Variants in GABRA3 observed in about 807,000 individuals in gnomAD.
GABRA3 encodes gamma-aminobutyric acid receptor subunit alpha-3.
GABRA3 carries 10 observed loss-of-function variants against 30.1 expected under a neutral mutation model. The observed-to-expected ratio is 0.33, with a 90% CI of 0.20 to 0.56. The LOEUF is 0.56. Ranked by LOEUF, GABRA3 falls within the 20% of genes least tolerant of loss-of-function variation. The pLI is 0.89. For synonymous variants in GABRA3, 151 were observed against 146.8 expected, an observed-to-expected ratio of 1.03 and a Z score of -0.21; for missense variants, 233 against 392.0, an observed-to-expected ratio of 0.59 and a Z score of 3.42.
chrX:152,308,087 G>A (rs769825256), intron 3 of GABRA3, among the ~76,000 whole-genome samples: 1 of 112,641 alleles, frequency 8.9e-6, no homozygotes, highest in African/African-American at 3.2e-5. Flanking sequence ...TGATCTGAGT[G>A]CCCCTGGTCT....
Position 152,287,104 on chromosome X carries a change from T to C in GABRA3, c.263-2369A>G, listed in dbSNP as rs187844021. On this transcript the variant is annotated intron_variant, in intron 3 of 9. Coordinates refer to ENST00000370314, the MANE Select transcript of GABRA3 (RefSeq NM_000808.4). ...CCCCAAATACATAAAACAAAATAAATTCATTAATGGAAGAGACCACCATTA... is the reference window on the plus strand; with the variant it reads ...CCCCAAATACATAAAACAAAATAAACTCATTAATGGAAGAGACCACCATTA... Among the ~76,000 whole-genome samples the C allele has an allele frequency of 3.6e-5, 4 of 111,758 alleles. No homozygotes were observed. The Admixed American group carries it at 3.8e-4, about 11-fold the overall frequency.
chrX:152,276,802 C>T (rs1939094781), intron 4 of GABRA3, among the ~76,000 whole-genome samples: 1 of 111,303 alleles, frequency 9.0e-6, no homozygotes, highest in African/African-American at 3.3e-5. Flanking sequence ...AGTTTCAAAA[C>T]ACAAAAGCCA....
At chrX:152,204,413 G>A (rs1026794855) in intron 7 of GABRA3, among the ~76,000 whole-genome samples, 2 of 111,062 alleles carry the variant, frequency 1.8e-5, no homozygotes, top group African/African-American at 6.6e-5. Context: ...AAGTAGAAAG[G>A]GAGTGATCCA....
At chrX:152,190,613 C>G (rs1221137179) in intron 8 of GABRA3, among the ~76,000 whole-genome samples, 1 of 109,816 alleles carries the variant, frequency 9.1e-6, no homozygotes, top group East Asian at 2.8e-4. Flanking sequence ...TAATTTTGGA[C>G]AGTCTTCTGA....
chrX:152,220,862 C>A (rs1229233183), intron 6 of GABRA3, among the ~76,000 whole-genome samples: 1 of 109,620 alleles, frequency 9.1e-6, no homozygotes, highest in Admixed American at 9.8e-5. Flanking sequence ...TGTGCATGTG[C>A]GTGTGTGTGC....
At chrX:152,281,059 G>A (rs761858531) in intron 4 of GABRA3, among the ~76,000 whole-genome samples, 2 of 110,990 alleles carry the variant, frequency 1.8e-5, no homozygotes, top group East Asian at 5.7e-4. Flanking sequence ...AGGATCTTGA[G>A]AGCTAGGATG....
chrX:152,218,615 G>C lies in GABRA3; in HGVS notation c.634+6148C>G, dbSNP rs748163621. Among the ~76,000 whole-genome samples the C allele has an allele frequency of 3.4e-3, 378 of 111,008 alleles. 2 individuals are homozygous for C. The highest frequency in any genetic ancestry group is 0.012 in the African/African-American group (365 of 30,672). The stretch of plus-strand genomic sequence containing the variant: ...TATTTTTCTCTTCAGTTCTATCAGT[G>C]TTGCTTCATGTATTTTGGGGCTCTG... On this transcript the variant is annotated intron_variant, in intron 6 of 9. Coordinates refer to ENST00000370314, the MANE Select transcript of GABRA3 (RefSeq NM_000808.4).
At chrX:152,215,051 T>A (rs1189789104) in intron 6 of GABRA3, among the ~76,000 whole-genome samples, 1 of 105,329 alleles carries the variant, frequency 9.5e-6, no homozygotes, top group African/African-American at 3.6e-5. Context: ...TATATATATA[T>A]ATATTTTTTT....
In GABRA3 at chrX:152,343,363, T is replaced by C. The variant is rs185784944; in HGVS notation, c.262+2218A>G. Among the ~76,000 whole-genome samples, 392 of 110,650 alleles carry C rather than the reference T, an allele frequency of 3.5e-3. 2 individuals carry two copies. Among genetic ancestry groups the C allele is most frequent in the South Asian group, 0.02 (51 of 2,567 alleles). On this transcript the variant is annotated intron_variant, in intron 3 of 9. Coordinates refer to ENST00000370314, the MANE Select transcript of GABRA3 (RefSeq NM_000808.4). ...AAAACACTATATATTTGTTCATTTC[T>C]TTGTGGTTGTTTAAGATGGGAGAGT...
At chrX:152,387,767 T>G (rs759088189) in intron 1 of GABRA3, among the ~76,000 whole-genome samples, 1 of 111,734 alleles carries the variant, frequency 8.9e-6, no homozygotes, top group South Asian at 3.7e-4. Context: ...GAACAAAAGC[T>G]TTTTAAAAAA....
At position 152,271,779 on chromosome X, in the gene GABRA3, G is replaced by T. The variant is rs910283444; in HGVS notation, c.330+12889C>A. Among the ~76,000 whole-genome samples, 7 of 111,732 alleles carry T rather than the reference G, an allele frequency of 6.3e-5. No homozygotes were observed. The East Asian group carries it at 1.1e-3, about 18-fold the overall frequency. The stretch of plus-strand genomic sequence containing the variant: ...GTCCAGGGCCCCTCTGCTGTATGCA[G>T]TCTCAGGACTTGGTGTCCTGCATCC... On this transcript the variant is annotated intron_variant, in intron 4 of 9. Coordinates refer to ENST00000370314, the MANE Select transcript of GABRA3 (RefSeq NM_000808.4).
intron 8 of GABRA3, among the ~76,000 whole-genome samples, chrX:152,190,640 C>T (rs1402059282): frequency 1.8e-5 from 2 of 109,946 alleles, no homozygotes; most frequent in East Asian, 2.8e-4. Context: ...AGCAAACTAT[C>T]GTGGAAAGTG....
At chrX:152,339,845 C>A (rs1314025801) in intron 3 of GABRA3, among the ~76,000 whole-genome samples, 1 of 111,713 alleles carries the variant, frequency 9.0e-6, no homozygotes, top group African/African-American at 3.2e-5. Flanking sequence ...AATAACTACT[C>A]CAACCTTCTT....
chrX:152,326,259 A>G (rs1214388573), intron 3 of GABRA3, among the ~76,000 whole-genome samples: 1 of 111,928 alleles, frequency 8.9e-6, no homozygotes, highest in Non-Finnish European at 1.9e-5. Context: ...GGGAGAATGG[A>G]ACCAAGTTGG....
intron 5 of GABRA3, among the ~76,000 whole-genome samples, chrX:152,248,502 A>T (rs760791790): frequency 1.4e-4 from 15 of 109,279 alleles, no homozygotes; most frequent in South Asian, 3.9e-4. Flanking sequence ...AATAAAATTT[A>T]AAAAAAAAAG....
intron 6 of GABRA3, among the ~76,000 whole-genome samples, chrX:152,213,035 G>A (rs1450259940): frequency 1.8e-5 from 2 of 111,242 alleles, no homozygotes; most frequent in Non-Finnish European, 3.8e-5. Context: ...TTTTGCACTC[G>A]CTGAATGGGC....
At chrX:152,407,033 A>T (rs1186476528) in intron 1 of GABRA3, among the ~76,000 whole-genome samples, 1 of 112,317 alleles carries the variant, frequency 8.9e-6, no homozygotes, top group Admixed American at 9.4e-5. Context: ...TTTTTAAAAA[A>T]TTCTTGAAAC....
chrX:152,170,560 C>T (rs1936990639), intron 9 of GABRA3, among the ~76,000 whole-genome samples: 1 of 111,952 alleles, frequency 8.9e-6, no homozygotes, highest in Admixed American at 9.5e-5. Flanking sequence ...AGGTGATCCT[C>T]CCACCTTGGC....
chrX:152,202,440 A>G (rs1213192753), intron 7 of GABRA3, among the ~76,000 whole-genome samples: 4 of 111,850 alleles, frequency 3.6e-5, no homozygotes, highest in African/African-American at 1.3e-4. Context: ...CCCATTTCAC[A>G]TCTCCTTCCT....
Sources: allele counts gnomAD v4.1 joint callset (sites outside exome capture counted in the v4.1 genomes callset), GRCh38; gene constraint gnomAD v4.1.1; transcripts MANE v1.5; gene names NCBI Gene and HGNC (gene_info 2026-07-23, HGNC 2026-07-21).